Variants in ARNT observed in about 807,000 individuals in gnomAD.
ARNT encodes the protein aryl hydrocarbon receptor nuclear translocator.
A neutral mutation model predicts 105.0 loss-of-function variants in ARNT; 30 were observed. That is an observed-to-expected ratio of 0.29 (90% CI 0.21 to 0.39). The LOEUF (loss-of-function observed/expected upper bound fraction) is 0.39, where lower values mean the gene tolerates loss of function less well. ARNT is among the 10% of genes least tolerant of loss of function. The pLI is 1.00. For synonymous variants in ARNT, 304 were observed against 344.0 expected, an observed-to-expected ratio of 0.88 and a Z score of 1.29; for missense variants, 748 against 978.7, an observed-to-expected ratio of 0.76 and a Z score of 3.15.
intron 6 of ARNT, 96 bp from the exon 7 acceptor site, chr1:150,836,589 T>C (rs958947985): frequency 7.9e-7 from 1 of 1,258,430 alleles, no homozygotes; most frequent in East Asian, 2.5e-5. Flanking sequence ...GCCACATGCA[T>C]CTCTCCGTAA....
chr1:150,873,803 C>A (rs1200729777), intron 1 of ARNT, among the ~76,000 whole-genome samples: 1 of 151,502 alleles, frequency 6.6e-6, no homozygotes, highest in African/African-American at 2.4e-5. Flanking sequence ...GTCTGTAGAC[C>A]CAGATACTCA....
At chr1:150,846,214 A>G (rs758939638) in intron 4 of ARNT, 49 bp downstream of exon 4, 35 of 1,522,324 alleles carry the variant, frequency 2.3e-5, no homozygotes, top group Non-Finnish European at 2.7e-5. Flanking sequence ...CTGGTTCTAC[A>G]ACATGGATCA....
At chr1:150,826,866 C>G (rs996595590) in intron 12 of ARNT, among the ~76,000 whole-genome samples, 14 of 151,742 alleles carry the variant, frequency 9.2e-5, no homozygotes, top group African/African-American at 3.4e-4. Context: ...AGGCTGGTCT[C>G]GAACTCCTGA....
chr1:150,852,925 AGTG>A, intron 2 of ARNT, 119 bp from the exon 3 acceptor site: 1 of 1,246,884 alleles, frequency 8.0e-7, no homozygotes. Flanking sequence ...GGAAAGAGGA[AGTG>A]GCAGAAGTCA....
intron 1 of ARNT, among the ~76,000 whole-genome samples, chr1:150,873,889 C>T (rs1428763892): frequency 2.0e-5 from 3 of 151,906 alleles, no homozygotes; most frequent in Non-Finnish European, 4.4e-5. Flanking sequence ...CATTGCACTA[C>T]AGTCTGGGAG....
chr1:150,836,124 T>C (rs927249433), intron 7 of ARNT, among the ~76,000 whole-genome samples, 156 bp downstream of exon 7: 2 of 152,196 alleles, frequency 1.3e-5, no homozygotes, highest in African/African-American at 2.4e-5. Flanking sequence ...GATAATCTCA[T>C]ATGGATAAAA....
At chr1:150,850,109 A>G (rs1415799022) in intron 3 of ARNT, among the ~76,000 whole-genome samples, 1 of 152,072 alleles carries the variant, frequency 6.6e-6, no homozygotes, top group Admixed American at 6.6e-5. Flanking sequence ...AACAACTCAA[A>G]AATACAAATT....
At chr1:150,827,333 T>C (rs767085651) in intron 12 of ARNT, among the ~76,000 whole-genome samples, 4 of 152,210 alleles carry the variant, frequency 2.6e-5, no homozygotes, top group African/African-American at 4.8e-5. Context: ...AGTCAATCTC[T>C]GCTCCCACTC....
chr1:150,822,588 C>T (rs587734117), intron 14 of ARNT, among the ~76,000 whole-genome samples: 1 of 152,184 alleles, frequency 6.6e-6, no homozygotes, highest in Non-Finnish European at 1.5e-5. Flanking sequence ...GCACTCCTTC[C>T]TCCTTACCTT....
chr1:150,873,163 C>CCCAG, intron 1 of ARNT, among the ~76,000 whole-genome samples: 3 of 151,578 alleles, frequency 2.0e-5, no homozygotes, highest in African/African-American at 7.3e-5. Flanking sequence ...GTGGCGGGTA[C>CCCAG]CTGTAGTCCC....
At chr1:150,861,161 A>G in intron 1 of ARNT, 1 of 215,664 alleles carries the variant, frequency 4.6e-6, no homozygotes, top group South Asian at 4.8e-5. Flanking sequence ...CTGCTAGTGG[A>G]AATGTAAAAT....
chr1:150,837,905 C>T (rs1466189914), intron 6 of ARNT, among the ~76,000 whole-genome samples: 2 of 151,966 alleles, frequency 1.3e-5, no homozygotes, highest in Admixed American at 1.3e-4. Context: ...TAACAGCATC[C>T]TCCTAAGCTA....
At chr1:150,828,300 G>C (rs1658662612) in intron 12 of ARNT, among the ~76,000 whole-genome samples, 1 of 145,908 alleles carries the variant, frequency 6.9e-6, no homozygotes, top group Admixed American at 6.8e-5. Flanking sequence ...TTTGTAAATT[G>C]TATGAGGTAA....
rs141021749 is a variant in ARNT, at chr1:150,837,763, A to C, written c.487-1270T>G. Among the ~76,000 whole-genome samples, 200 of 152,294 alleles carry C rather than the reference A, an allele frequency of 1.3e-3. 1 individual carries two copies. The highest frequency in any genetic ancestry group is 4.6e-3 in the African/African-American group (191 of 41,554). ...GACTAACGTTTTTTCCTGAGCTTTC[A>C]GCAGACTTGAATTTCAAGTATCTGT... is the stretch of plus-strand genomic sequence containing the variant. On this transcript the variant is annotated intron_variant, in intron 6 of 21. Coordinates refer to ENST00000358595, the MANE Select transcript of ARNT (RefSeq NM_001668.4).
At chr1:150,858,788 ATTT>A (rs752944376) in intron 1 of ARNT, among the ~76,000 whole-genome samples, 2 of 137,112 alleles carry the variant, frequency 1.5e-5, no homozygotes. Flanking sequence ...CACCCAGTTA[ATTT>A]TTTTTTTTTT....
chr1:150,836,215 T>C, intron 7 of ARNT, 65 bp downstream of exon 7: 1 of 1,521,956 alleles, frequency 6.6e-7, no homozygotes, highest in Non-Finnish European at 9.0e-7. Flanking sequence ...CTAAAACATC[T>C]CTTAAGTCTC....
intron 19 of ARNT, among the ~76,000 whole-genome samples, chr1:150,814,464 A>G (rs1372176212): frequency 6.6e-6 from 1 of 152,242 alleles, no homozygotes; most frequent in East Asian, 1.9e-4. Context: ...TGGGATTAAT[A>G]AAAATTGTAA....
At chr1:150,863,698 T>A (rs1571491580) in intron 1 of ARNT, among the ~76,000 whole-genome samples, 2 of 151,330 alleles carry the variant, frequency 1.3e-5, no homozygotes, top group Admixed American at 1.3e-4. Context: ...GCGCCTGTAA[T>A]CCCAGCTACT....
intron 3 of ARNT, among the ~76,000 whole-genome samples, chr1:150,851,878 A>T (rs1370246204): frequency 6.6e-6 from 1 of 151,838 alleles, no homozygotes; most frequent in Non-Finnish European, 1.5e-5. Flanking sequence ...AATAAAAAAT[A>T]AAAAAATAAA....
Sources: allele counts gnomAD v4.1 joint callset (sites outside exome capture counted in the v4.1 genomes callset), GRCh38; gene constraint gnomAD v4.1.1; transcripts MANE v1.5; gene names NCBI Gene and HGNC (gene_info 2026-07-23, HGNC 2026-07-21).